Variants in CBR4 observed in about 807,000 individuals in gnomAD.
CBR4 encodes carbonyl reductase 4, also known as 3-oxoacyl-[acyl-carrier-protein] reductase.
CBR4 carries 22 observed loss-of-function variants against 21.0 expected under a neutral mutation model. The observed-to-expected ratio is 1.05, with a 90% CI of 0.75 to 1.50. CBR4 has a LOEUF of 1.50. Ranked by LOEUF, CBR4 falls within the 40% of genes most tolerant of loss-of-function variation. CBR4 has a pLI of 0.00. For synonymous variants in CBR4, 100 were observed against 104.4 expected, an observed-to-expected ratio of 0.96 and a Z score of 0.26; for missense variants, 302 against 286.3, an observed-to-expected ratio of 1.05 and a Z score of -0.40.
At chr4:168,895,439 A>AACAGCCT (rs1229983433) in intron 2 of CBR4, among the ~76,000 whole-genome samples, 4 of 152,224 alleles carry the variant, frequency 2.6e-5, no homozygotes, top group African/African-American at 9.6e-5. Context: ...AAACTTAACT[A>AACAGCCT]ACAGCCTACT....
chr4:168,972,854 AG>A (rs1020077996), intron 2 of CBR4, among the ~76,000 whole-genome samples: 7 of 152,246 alleles, frequency 4.6e-5, no homozygotes, highest in Admixed American at 2.6e-4. Context: ...GTCTTGTTTC[AG>A]TTCTTAAAGG....
downstream of CBR4, among the ~76,000 whole-genome samples, chr4:168,984,713 C>A (rs1239215798): frequency 6.6e-6 from 1 of 152,100 alleles, no homozygotes; most frequent in Non-Finnish European, 1.5e-5. Flanking sequence ...CAAAAACAGA[C>A]ACACAGACCA....
chr4:169,008,916 G>A (rs953544479), intron 1 of CBR4: 6 of 448,382 alleles, frequency 1.3e-5, no homozygotes, highest in East Asian at 6.9e-5. Flanking sequence ...ATACCAAACC[G>A]ATCAATAATG....
intron 2 of CBR4, among the ~76,000 whole-genome samples, chr4:168,948,074 C>G (rs922353146): frequency 2.0e-5 from 3 of 152,146 alleles, no homozygotes; most frequent in Admixed American, 6.5e-5. Flanking sequence ...GCCATTCTTG[C>G]AGGAGTAAGG....
At position 169,009,940 on chromosome 4, in the gene CBR4, G is replaced by GT. The variant is rs1047756661; in HGVS notation, c.142+7dup. On this transcript the variant is annotated splice_region_variant and intron_variant, in intron 1 of 4. Transcript: ENST00000306193. ...CATACAACTGGACAACTCCAGTTTG[G>GT]TACCTACCGCCGAGGTCACCGGCGG... 2.5e-6 allele frequency: 4 copies of GT among 1,608,878 alleles called. No homozygotes were observed. Among genetic ancestry groups the GT allele is most frequent in the Non-Finnish European group, 3.4e-6 (4 of 1,177,964 alleles).
At chr4:168,931,974 G>GA (rs34647694) in intron 2 of CBR4, among the ~76,000 whole-genome samples, 103,211 of 151,890 alleles carry the variant, frequency 0.68, 36,837 homozygotes, top group East Asian at 0.96. Flanking sequence ...CATCAAATTA[G>GA]AAGAGGTGAC....
At chr4:168,950,345 T>C (rs1057327978) in intron 2 of CBR4, among the ~76,000 whole-genome samples, 1 of 152,212 alleles carries the variant, frequency 6.6e-6, no homozygotes, top group Non-Finnish European at 1.5e-5. Flanking sequence ...TAAATTTCCA[T>C]CTTGATTTCA....
intron 2 of CBR4, chr4:168,926,995 C>A (rs971489378): frequency 4.1e-5 from 9 of 219,166 alleles, no homozygotes; most frequent in African/African-American, 2.0e-4. Flanking sequence ...TACCTTAGTT[C>A]TTAACATTTT....
chr4:168,947,046 G>T (rs1763413157), intron 2 of CBR4, among the ~76,000 whole-genome samples: 1 of 151,900 alleles, frequency 6.6e-6, no homozygotes, highest in African/African-American at 2.4e-5. Context: ...TCATCCTCAA[G>T]AAATAAAACT....
chr4:168,945,051 T>C (rs554359644), intron 2 of CBR4, among the ~76,000 whole-genome samples: 3 of 152,304 alleles, frequency 2.0e-5, no homozygotes, highest in African/African-American at 7.2e-5. Flanking sequence ...TTCACTAAAT[T>C]CCTTCTTTTG....
intron 2 of CBR4, among the ~76,000 whole-genome samples, chr4:168,940,742 T>C (rs1019758809): frequency 6.6e-5 from 10 of 152,224 alleles, no homozygotes; most frequent in Non-Finnish European, 1.5e-5. Context: ...AGATATCTCA[T>C]GCCAGTTAAA....
intron 4 of CBR4, among the ~76,000 whole-genome samples, chr4:168,999,876 C>T (rs970204400): frequency 3.9e-5 from 6 of 152,114 alleles, no homozygotes. Context: ...TATGACACTG[C>T]AATTATTTGT....
chr4:168,924,883 C>T (rs1459642669), intron 2 of CBR4: 18 of 1,542,314 alleles, frequency 1.2e-5, no homozygotes, highest in Non-Finnish European at 1.6e-5. Context: ...AAAAATGATG[C>T]TTCATGTCCA....
chr4:168,960,437 G>A (rs1474594464), intron 2 of CBR4, among the ~76,000 whole-genome samples: 1 of 152,132 alleles, frequency 6.6e-6, no homozygotes, highest in Non-Finnish European at 1.5e-5. Context: ...GCTATAACTA[G>A]AGAATGTATA....
intron 2 of CBR4, among the ~76,000 whole-genome samples, chr4:168,962,815 G>A (rs751340452): frequency 3.9e-5 from 6 of 152,034 alleles, no homozygotes; most frequent in Non-Finnish European, 7.4e-5. Flanking sequence ...CAGAGTAAAG[G>A]AGCACATAAA....
At position 169,010,239 on chromosome 4, in the gene CBR4, T is replaced by G. The variant is rs1161553792; in HGVS notation, c.-150A>C. On this transcript the variant is annotated 5_prime_UTR_variant, in exon 1 of 5. Coordinates refer to ENST00000306193, the MANE Select transcript of CBR4 (RefSeq NM_032783.5). ...AAAAATAACGCCGCTCGACACCTCC[T>G]GCAGCCGCACAATAGTAATGCAAGA... is the stretch of plus-strand genomic sequence containing the variant. 1.4e-6 allele frequency: 1 copy of G among 690,626 alleles called. No individual in the cohort carries two copies. The highest frequency in any genetic ancestry group is 3.3e-5 in the Admixed American group (1 of 30,172). The allele number at this position is 690,626 out of a possible 1,614,324, so 42.8% of individuals were successfully genotyped here.
At chr4:168,952,830 A>G in intron 2 of CBR4, among the ~76,000 whole-genome samples, 1 of 152,074 alleles carries the variant, frequency 6.6e-6, no homozygotes, top group Non-Finnish European at 1.5e-5. Flanking sequence ...CAGGGGGGTG[A>G]AATGGATTCT....
chr4:168,953,481 A>C (rs953220619), intron 2 of CBR4, among the ~76,000 whole-genome samples: 4 of 152,056 alleles, frequency 2.6e-5, no homozygotes, highest in African/African-American at 9.7e-5. Context: ...GCAGTGGCAC[A>C]ATCACAATCA....
intron 2 of CBR4, among the ~76,000 whole-genome samples, chr4:168,961,312 C>CAT (rs977424644): frequency 2.4e-4 from 36 of 152,040 alleles, no homozygotes; most frequent in African/African-American, 6.5e-4. Flanking sequence ...GTCTTTTCTA[C>CAT]ATATATATAT....
Sources: gnomAD v4.1 joint callset for allele counts (sites outside exome capture counted in the v4.1 genomes callset) on GRCh38, gnomAD v4.1.1 for gene constraint, MANE v1.5 for transcripts, NCBI Gene and HGNC (gene_info 2026-07-23, HGNC 2026-07-21) for gene names.